The following CCDC169 variants were observed in gnomAD, a reference collection of about 807,000 sequenced individuals.
The protein encoded by CCDC169 is coiled-coil domain containing 169.
Under a neutral mutation model 36.0 loss-of-function variants are expected in CCDC169, and 30 were observed. The ratio of observed to expected loss-of-function variants is 0.83; its 90% CI spans 0.62 to 1.13. The LOEUF (loss-of-function observed/expected upper bound fraction) is 1.13, where lower values mean the gene tolerates loss of function less well. Ranked by LOEUF, CCDC169 falls within the 50% of genes most tolerant of loss-of-function variation. CCDC169 has a pLI of 0.00. For missense variants in CCDC169, 245 were observed against 245.9 expected (o/e 1.00, Z 0.03); for synonymous variants, 85 against 81.5 (o/e 1.04, Z -0.23).
chr13:36,227,176 G>C (rs1869922024), downstream of CCDC169: 1 of 1,395,358 alleles, frequency 7.2e-7, no homozygotes, highest in African/African-American at 1.4e-5. Context: ...CCTGGGGGTG[G>C]TGCACATGTC....
chr13:36,252,586 T>A (rs986428381), intron 6 of CCDC169, among the ~76,000 whole-genome samples: 1 of 152,170 alleles, frequency 6.6e-6, no homozygotes, highest in East Asian at 1.9e-4. Context: ...TCTTTTCGGC[T>A]CTTCCTCCCT....
chr13:36,259,054 G>A (rs9602593), intron 4 of CCDC169, among the ~76,000 whole-genome samples: 1,581 of 152,236 alleles, frequency 0.01, 21 homozygotes, highest in African/African-American at 0.036. Context: ...TTCCTGTGCT[G>A]GGGCCCTGCT....
At chr13:36,281,649 C>G (rs989601079) in intron 4 of CCDC169, among the ~76,000 whole-genome samples, 2 of 152,104 alleles carry the variant, frequency 1.3e-5, no homozygotes, top group African/African-American at 2.4e-5. Flanking sequence ...ATTGCTTGAG[C>G]TCAGGAGTTC....
chr13:36,251,105 T>C (rs1238821767), intron 6 of CCDC169, among the ~76,000 whole-genome samples: 2 of 152,230 alleles, frequency 1.3e-5, no homozygotes, highest in Non-Finnish European at 2.9e-5. Flanking sequence ...ACTTATGTTG[T>C]GCATATCAGA....
intron 4 of CCDC169, among the ~76,000 whole-genome samples, chr13:36,277,606 GA>G (rs1453011303): frequency 6.6e-6 from 1 of 152,174 alleles, no homozygotes; most frequent in Non-Finnish European, 1.5e-5. Context: ...ACATGTTAGA[GA>G]CTAGAAAATG....
chr13:36,263,389 C>T (rs1353618188), intron 4 of CCDC169, among the ~76,000 whole-genome samples: 1 of 152,098 alleles, frequency 6.6e-6, no homozygotes, highest in Non-Finnish European at 1.5e-5. Context: ...TTAAAAGAAT[C>T]ATTCAAAGAA....
chr13:36,235,189 G>A (rs1339198616), intron 7 of CCDC169, among the ~76,000 whole-genome samples: 1 of 151,084 alleles, frequency 6.6e-6, no homozygotes, highest in Non-Finnish European at 1.5e-5. Context: ...TAATTCCCAG[G>A]CAACCACTGA....
intron 7 of CCDC169, among the ~76,000 whole-genome samples, chr13:36,239,011 C>T: frequency 6.6e-6 from 1 of 152,004 alleles, no homozygotes; most frequent in South Asian, 2.1e-4. Context: ...TGGGAGATTG[C>T]TTGAGCCCAG....
intron 2 of CCDC169, among the ~76,000 whole-genome samples, chr13:36,293,655 C>A (rs952820065): frequency 6.6e-6 from 1 of 152,100 alleles, no homozygotes; most frequent in Non-Finnish European, 1.5e-5. Context: ...GAAAAAGGTA[C>A]AAGAGGCATT....
intron 4 of CCDC169, among the ~76,000 whole-genome samples, chr13:36,272,502 T>C (rs1876228650): frequency 6.6e-6 from 1 of 152,194 alleles, no homozygotes; most frequent in Non-Finnish European, 1.5e-5. Context: ...TGAGGTTCAT[T>C]GTTGGGTCAC....
chr13:36,280,426 T>C (rs1877363068), intron 4 of CCDC169: 2 of 152,122 alleles, frequency 1.3e-5, no homozygotes, highest in Admixed American at 6.6e-5. Flanking sequence ...TACCCAGTTA[T>C]AGGGAAAAGT....
downstream of CCDC169, among the ~76,000 whole-genome samples, chr13:36,227,883 CCTATTT>C (rs1870026973): frequency 6.6e-6 from 1 of 152,144 alleles, no homozygotes; most frequent in East Asian, 1.9e-4. Context: ...TATGGATTTG[CCTATTT>C]GGGACATTTC....
chr13:36,287,023 T>TC (rs1191370259), intron 2 of CCDC169, among the ~76,000 whole-genome samples: 2 of 152,198 alleles, frequency 1.3e-5, no homozygotes, highest in Admixed American at 6.5e-5. Flanking sequence ...GATTTTGTCA[T>TC]CCTCTTTGGG....
chr13:36,288,737 G>T (rs989564706), intron 2 of CCDC169, among the ~76,000 whole-genome samples: 1 of 152,010 alleles, frequency 6.6e-6, no homozygotes, highest in African/African-American at 2.4e-5. Context: ...TAATTCAAAG[G>T]TTATTTAAAA....
intron 4 of CCDC169, among the ~76,000 whole-genome samples, chr13:36,269,376 C>G (rs957828730): frequency 2.0e-5 from 3 of 152,292 alleles, no homozygotes. Flanking sequence ...CCTACTGAAA[C>G]TATTTCAAAA....
At chr13:36,250,517 T>C (rs942664931) in intron 6 of CCDC169, among the ~76,000 whole-genome samples, 1 of 152,174 alleles carries the variant, frequency 6.6e-6, no homozygotes, top group African/African-American at 2.4e-5. Flanking sequence ...CTGTTGACAT[T>C]ATATCTAAAG....
At chr13:36,253,333 C>T (rs1240241068) in intron 6 of CCDC169, among the ~76,000 whole-genome samples, 3 of 117,362 alleles carry the variant, frequency 2.6e-5, no homozygotes, top group African/African-American at 3.9e-5. Flanking sequence ...CTGTTATGTC[C>T]TTTTTACTTT....
chr13:36,248,725 T>A, intron 6 of CCDC169, 43 bp from the exon 7 acceptor site: 1 of 1,506,702 alleles, frequency 6.6e-7, no homozygotes, highest in South Asian at 1.2e-5. Flanking sequence ...TGGTTCATAA[T>A]TGATTTCAGA....
At chr13:36,291,237 AC>A (rs1364213985) in intron 2 of CCDC169, among the ~76,000 whole-genome samples, 8 of 152,242 alleles carry the variant, frequency 5.3e-5, no homozygotes, top group Non-Finnish European at 1.2e-4. Flanking sequence ...TGTTTCACTT[AC>A]TAACAAAGTC....
Sources: gnomAD v4.1 joint callset for allele counts (sites outside exome capture counted in the v4.1 genomes callset) on GRCh38, gnomAD v4.1.1 for gene constraint, MANE v1.5 for transcripts, NCBI Gene and HGNC (gene_info 2026-07-23, HGNC 2026-07-21) for gene names.